The following TYW1 variants were observed in gnomAD, a reference collection of about 807,000 sequenced individuals.
TYW1 encodes the protein S-adenosyl-L-methionine-dependent tRNA 4-demethylwyosine synthase TYW1.
In TYW1, 46 loss-of-function variants were observed where a neutral mutation model predicts 96.2. The ratio of observed to expected loss-of-function variants is 0.48; its 90% CI spans 0.38 to 0.61. The LOEUF is 0.61. Among genes scored for constraint, TYW1 ranks in the 20% least tolerant of loss-of-function variants. The probability of loss-of-function intolerance (pLI) is 0.00; values close to 1 mark genes in which losing one functional copy is unlikely to be tolerated. For synonymous variants in TYW1, 274 were observed against 323.0 expected (o/e 0.85, Z 1.63); for missense variants, 684 against 909.6 (o/e 0.75, Z 3.19).
At chr7:67,130,226 C>G (rs1281333386) in intron 13 of TYW1, among the ~76,000 whole-genome samples, 1 of 151,442 alleles carries the variant, frequency 6.6e-6, no homozygotes, top group Middle Eastern at 3.4e-3. Context: ...ACTACAAATA[C>G]AAAAATCAGT....
At chr7:67,165,613 T>C (rs1799294990) in intron 13 of TYW1, among the ~76,000 whole-genome samples, 2 of 152,170 alleles carry the variant, frequency 1.3e-5, no homozygotes, top group Non-Finnish European at 2.9e-5. Context: ...TATCCGTGAA[T>C]ACTTCTGTAT....
At chr7:67,206,143 T>A (rs1263704355) in intron 15 of TYW1, among the ~76,000 whole-genome samples, 1 of 152,220 alleles carries the variant, frequency 6.6e-6, no homozygotes, top group East Asian at 1.9e-4. Context: ...TATTGGTAGA[T>A]TATTTCCAGG....
intron 10 of TYW1, among the ~76,000 whole-genome samples, chr7:67,078,511 A>G (rs1338549742): frequency 2.6e-5 from 4 of 152,100 alleles, no homozygotes; most frequent in Non-Finnish European, 5.9e-5. Context: ...ATTGTTTTCT[A>G]TTTCTGTGAA....
intron 13 of TYW1, among the ~76,000 whole-genome samples, chr7:67,139,326 A>C (rs6949115): frequency 0.2 from 30,165 of 152,268 alleles, 3,109 homozygotes; most frequent in South Asian, 0.28. Flanking sequence ...TGCTGGGATT[A>C]CAGGCATGAG....
chr7:67,218,699 A>T (rs1236766073), intron 15 of TYW1, among the ~76,000 whole-genome samples: 1 of 151,994 alleles, frequency 6.6e-6, no homozygotes, highest in Non-Finnish European at 1.5e-5. Context: ...TTTTCTTTTC[A>T]GATTGTTCAT....
chr7:67,230,221 G>C (rs1168815986), intron 15 of TYW1, among the ~76,000 whole-genome samples: 2 of 151,770 alleles, frequency 1.3e-5, no homozygotes, highest in Non-Finnish European at 2.9e-5. Context: ...TTATTATGTG[G>C]ATTACACAAG....
chr7:67,057,312 C>G (rs1476986438), intron 9 of TYW1, among the ~76,000 whole-genome samples: 3 of 151,566 alleles, frequency 2.0e-5, no homozygotes, highest in African/African-American at 7.3e-5. Flanking sequence ...CGTGCCTGGC[C>G]CTCATTGTGG....
intron 14 of TYW1, 46 bp from the exon 15 acceptor site, chr7:67,195,124 G>A (rs552562277): frequency 6.3e-7 from 1 of 1,577,364 alleles, no homozygotes; most frequent in East Asian, 2.3e-5. Flanking sequence ...TCTATGACAT[G>A]CAGGTAGGTC....
chr7:67,078,587 C>T (rs1796282522), intron 10 of TYW1, among the ~76,000 whole-genome samples: 1 of 152,156 alleles, frequency 6.6e-6, no homozygotes. Context: ...GGTATGATAA[C>T]TTTAACTATA....
intron 15 of TYW1, among the ~76,000 whole-genome samples, chr7:67,206,436 G>A (rs1800800347): frequency 6.6e-6 from 1 of 152,016 alleles, no homozygotes; most frequent in South Asian, 2.1e-4. Flanking sequence ...TTCGAGACCA[G>A]CCTGGCCAAC....
At chr7:67,019,082 C>T (rs928847890) in intron 6 of TYW1, among the ~76,000 whole-genome samples, 2 of 151,998 alleles carry the variant, frequency 1.3e-5, no homozygotes, top group African/African-American at 4.8e-5. Context: ...CTCTTGTAAC[C>T]CGACTGGCCA....
In TYW1 at chr7:67,093,963, A is replaced by G. The variant is rs140303403; in HGVS notation, c.1385-4578A>G. Among the ~76,000 whole-genome samples the G allele has an allele frequency of 1.6e-3, 249 of 152,298 alleles. 5 individuals carry two copies. In the East Asian group the frequency reaches 0.039, roughly 24 times the overall value. On this transcript the variant is annotated intron_variant, in intron 11 of 15. Transcript: ENST00000359626. ...CATACCCATTACTCAAATAGTGAAC[A>G]TTGTACCTGATAGGTAATTTTTCAA... is the stretch of plus-strand genomic sequence containing the variant.
In TYW1 at chr7:67,216,483, C is replaced by T. The variant is rs568357213; in HGVS notation, c.1977+21146C>T. ...AGATCGGGTGCGTTCAGGGTGGTACCGCCATAGACGAGGTGTGTCTATTTC... is the reference window on the plus strand; with the variant it reads ...AGATCGGGTGCGTTCAGGGTGGTACTGCCATAGACGAGGTGTGTCTATTTC... On this transcript the variant is annotated intron_variant, in intron 15 of 15. Coordinates refer to ENST00000359626, the MANE Select transcript of TYW1 (RefSeq NM_018264.4). Among the ~76,000 whole-genome samples the T allele has an allele frequency of 1.6e-3, 229 of 141,362 alleles. 4 individuals carry two copies. The highest frequency in any genetic ancestry group is 3.6e-3 in the Middle Eastern group (1 of 278). 92.7% of individuals were successfully genotyped at this position (141,362 alleles called of 152,430 possible). A position where few individuals can be genotyped will look rare whatever the true frequency, so the allele number is the denominator to read the frequency against.
At chr7:67,171,331 A>G (rs1287005834) in intron 13 of TYW1, among the ~76,000 whole-genome samples, 1 of 152,006 alleles carries the variant, frequency 6.6e-6, no homozygotes, top group Non-Finnish European at 1.5e-5. Context: ...CATAGAACAT[A>G]CTTTTGGTTT....
In TYW1 at chr7:67,227,686, G is replaced by C. The variant is rs572782012; in HGVS notation, c.1978-10622G>C. On this transcript the variant is annotated intron_variant, in intron 15 of 15. Transcript: ENST00000359626. ...ACATGTAGCAGTCAACTGTGTCTAG[G>C]TGACTGAGCTGCAGTAAAATCTTTG... 3.3e-5 allele frequency among the ~76,000 whole-genome samples: 5 copies of C among 152,044 alleles called. No individual in the cohort carries two copies. The East Asian group carries it at 9.6e-4, about 29-fold the overall frequency.
chr7:67,057,284 A>G (rs1795550806), intron 9 of TYW1, among the ~76,000 whole-genome samples: 1 of 151,522 alleles, frequency 6.6e-6, no homozygotes, highest in Non-Finnish European at 1.5e-5. Flanking sequence ...AAGTGCTGGG[A>G]TTACAGGTTT....
chr7:67,145,429 G>T (rs570585610), intron 13 of TYW1, among the ~76,000 whole-genome samples: 2 of 152,148 alleles, frequency 1.3e-5, no homozygotes, highest in Admixed American at 6.5e-5. Context: ...GATTACAGGC[G>T]TGAGCCACCG....
intron 12 of TYW1, among the ~76,000 whole-genome samples, chr7:67,111,164 A>G (rs1252160256): frequency 6.6e-6 from 1 of 152,108 alleles, no homozygotes; most frequent in African/African-American, 2.4e-5. Context: ...GACATTGGCT[A>G]TTTTAAATGT....
At chr7:67,127,227 C>T (rs369655212) in intron 13 of TYW1, among the ~76,000 whole-genome samples, 2 of 150,242 alleles carry the variant, frequency 1.3e-5, no homozygotes, top group South Asian at 2.1e-4. Flanking sequence ...GGCCTGATCT[C>T]GGCTCACTGC....
Sources: allele counts gnomAD v4.1 joint callset (sites outside exome capture counted in the v4.1 genomes callset), GRCh38; gene constraint gnomAD v4.1.1; transcripts MANE v1.5; gene names NCBI Gene and HGNC (gene_info 2026-07-23, HGNC 2026-07-21).